NIBAN2: variants seen among roughly 807,000 people sequenced by gnomAD.
NIBAN2 encodes niban apoptosis regulator 2.
Under a neutral mutation model 81.8 loss-of-function variants are expected in NIBAN2, and 36 were observed. That is an observed-to-expected ratio of 0.44 (90% CI 0.34 to 0.58). NIBAN2 has a LOEUF of 0.58. Ranked by LOEUF, NIBAN2 falls within the 20% of genes least tolerant of loss-of-function variation. The probability of loss-of-function intolerance (pLI) is 0.02; values close to 1 mark genes in which losing one functional copy is unlikely to be tolerated. For synonymous variants in NIBAN2, 445 were observed against 441.6 expected (o/e 1.01, Z -0.10); for missense variants, 897 against 1,014.1 (o/e 0.88, Z 1.57).
chr9:127,553,721 G>A (rs1837618424), intron 1 of NIBAN2, among the ~76,000 whole-genome samples: 1 of 152,204 alleles, frequency 6.6e-6, no homozygotes, highest in Non-Finnish European at 1.5e-5. Flanking sequence ...GGGACCTGGA[G>A]CTCTGTCTGG....
At chr9:127,509,268 A>T in intron 9 of NIBAN2, 137 bp from the exon 10 acceptor site, 2 of 799,976 alleles carry the variant, frequency 2.5e-6, no homozygotes, top group South Asian at 3.6e-5. Flanking sequence ...CCTGGTGCTC[A>T]TGGCCACAAA....
rs1836640912 is a variant in NIBAN2 at position 127,507,877 on chromosome 9, G to A, written c.1644C>T (p.Asp548=). The A allele has an allele frequency of 6.2e-7, 1 of 1,614,054 alleles. No individual in the cohort carries two copies. Among genetic ancestry groups the A allele is most frequent in the East Asian group, 2.2e-5 (1 of 44,880 alleles). Residue 548 remains aspartate (D), a synonymous_variant, in exon 13 of 14, where the codon GAC becomes GAT. Coordinates refer to ENST00000373312, the MANE Select transcript of NIBAN2 (RefSeq NM_022833.4). The surrounding 1 kb of genome is among the most constrained non-coding windows in gnomAD (Gnocchi z 6.8). Reference sequence around the variant, plus strand: ...CGGGACGGCACCCACCCTGCAGGATGTCCTTCATGACGGTCTGCAGCACCA... The same window carrying A: ...CGGGACGGCACCCACCCTGCAGGATATCCTTCATGACGGTCTGCAGCACCA... ...EEVVLQTVMK[D]ILQAVKEAAV...
At chr9:127,541,872 G>A (rs1837385575) in intron 1 of NIBAN2, among the ~76,000 whole-genome samples, 1 of 152,074 alleles carries the variant, frequency 6.6e-6, no homozygotes, top group African/African-American at 2.4e-5. Flanking sequence ...GAGAAACAGG[G>A]CCTATGGGAT....
rs1836853126 is a variant in NIBAN2 at position 127,517,320 on chromosome 9, C to T, written c.706-104G>A. ...CAGGCCGCTGCAGCCCCCACCTCCTCCGCGACTGGCCCATTGCTTCACCCT... is the reference window on the plus strand; with the variant it reads ...CAGGCCGCTGCAGCCCCCACCTCCTTCGCGACTGGCCCATTGCTTCACCCT... On this transcript the variant is annotated intron_variant, in intron 6 of 13. Transcript: ENST00000373312. The surrounding 1 kb of genome is among the most constrained non-coding windows in gnomAD (Gnocchi z 4.0). 1.1e-6 allele frequency: 1 copy of T among 884,456 alleles called. No homozygotes were observed. The highest frequency in any genetic ancestry group is 1.8e-6 in the Non-Finnish European group (1 of 565,570). 54.8% of individuals were successfully genotyped at this position (884,456 alleles called of 1,614,324 possible).
At position 127,530,487 on chromosome 9, in the gene NIBAN2, G is replaced by A. The variant is rs559052468; in HGVS notation, c.186+1161C>T. 7.2e-5 allele frequency among the ~76,000 whole-genome samples: 11 copies of A among 151,798 alleles called. No individual in the cohort carries two copies. In the East Asian group the frequency reaches 1.2e-3, roughly 16 times the overall value. On this transcript the variant is annotated intron_variant, in intron 2 of 13. Transcript: ENST00000373312. ...TCTCTTGAGTCCCGCCCCCGGCCCC[G>A]TGTCCGAGTCAATCACAGGTTCCTC...
intron 5 of NIBAN2, among the ~76,000 whole-genome samples, chr9:127,520,753 A>G (rs544400500): frequency 0.024 from 3,701 of 152,136 alleles, 65 homozygotes; most frequent in Non-Finnish European, 0.037. Flanking sequence ...GTGTGGTGGC[A>G]CACGCCTGTA....
chr9:127,562,062 G>A (rs1222815772), intron 1 of NIBAN2, among the ~76,000 whole-genome samples: 2 of 152,178 alleles, frequency 1.3e-5, no homozygotes, highest in African/African-American at 4.8e-5. Context: ...GAGGAGGGGG[G>A]CGCAGGGACG....
At chr9:127,555,270 T>C (rs899134706) in intron 1 of NIBAN2, among the ~76,000 whole-genome samples, 2 of 152,156 alleles carry the variant, frequency 1.3e-5, no homozygotes, top group Non-Finnish European at 2.9e-5. Flanking sequence ...CTTTCTGCTG[T>C]CCTGTGTATT....
intron 1 of NIBAN2, among the ~76,000 whole-genome samples, chr9:127,574,832 G>C (rs1171279633): frequency 1.3e-5 from 2 of 152,160 alleles, no homozygotes; most frequent in African/African-American, 4.8e-5. Context: ...TAACTGTTGG[G>C]TGGTGGAAAG....
chr9:127,539,508 G>A (rs1837339340), intron 1 of NIBAN2, among the ~76,000 whole-genome samples: 1 of 152,164 alleles, frequency 6.6e-6, no homozygotes, highest in Non-Finnish European at 1.5e-5. Flanking sequence ...AGCTCCACTG[G>A]CCCCTGTCGG....
Position 127,559,828 on chromosome 9 carries a change from C to G in NIBAN2, c.55+8992G>C, listed in dbSNP as rs1051215789. Among the ~76,000 whole-genome samples, 4 of 152,204 alleles carry G rather than the reference C, an allele frequency of 2.6e-5. No individual in the cohort carries two copies. The highest frequency in any genetic ancestry group is 9.6e-5 in the African/African-American group (4 of 41,452). ...CTTCTGATCTGCAAGAGGAGGGCCT[C>G]CCTTGGCCAATGTCCTATGTGAACC... is the stretch of plus-strand genomic sequence containing the variant. On this transcript the variant is annotated intron_variant, in intron 1 of 13. Transcript: ENST00000373312. The surrounding 1 kb of genome is among the most constrained non-coding windows in gnomAD (Gnocchi z 4.0).
intron 1 of NIBAN2, among the ~76,000 whole-genome samples, chr9:127,538,581 C>T (rs973392063): frequency 6.7e-6 from 1 of 149,140 alleles, no homozygotes; most frequent in African/African-American, 2.5e-5. Flanking sequence ...GAGCCAAGAT[C>T]GCGCCACTGC....
chr9:127,525,078 A>G lies in NIBAN2; in HGVS notation c.401T>C (p.Leu134Pro), dbSNP rs1243485514. Residue 134 changes from leucine (L) to proline (P), a missense_variant, in exon 4 of 14, where the codon CTC (leucine) becomes CCC (proline). Physicochemically the swap from Leu to Pro is moderately conservative, Grantham distance 98. Around this residue, in one of 3 missense-constraint regions of NIBAN2, gnomAD observed 209 missense variants for 208.4 expected, o/e 1.00. Transcript: ENST00000373312. Reference protein sequence around the residue: ...ILTSVDQYLELIGNSLPGTTA... With the variant: ...ILTSVDQYLEPIGNSLPGTTA... ...TTTACCTGGTAAGGAGTTGCCAATGAGCTCCAGGTATTGGTCCACGGACGT... is the reference window on the plus strand; with the variant it reads ...TTTACCTGGTAAGGAGTTGCCAATGGGCTCCAGGTATTGGTCCACGGACGT... 1 of 1,613,780 alleles carries G rather than the reference A, an allele frequency of 6.2e-7. No homozygotes were observed. The highest frequency in any genetic ancestry group is 8.5e-7 in the Non-Finnish European group (1 of 1,179,794).
Position 127,568,913 on chromosome 9 carries a change from CGCT to C in NIBAN2, c.-42_-40del. Reference sequence around the variant, plus strand: ...CGCGGCCCGATCCGGCCGACGCCGCCGCTGTTGCCCGCGCTGCTCAGGCGGACG... The same window carrying C: ...CGCGGCCCGATCCGGCCGACGCCGCCGTTGCCCGCGCTGCTCAGGCGGACG... On this transcript the variant is annotated 5_prime_UTR_variant, in exon 1 of 14. Coordinates refer to ENST00000373312, the MANE Select transcript of NIBAN2 (RefSeq NM_022833.4). 1 of 1,246,796 alleles carries C rather than the reference CGCT, an allele frequency of 8.0e-7. No individual in the cohort carries two copies. The highest frequency in any genetic ancestry group is 2.7e-5 in the South Asian group (1 of 37,244). The allele number at this position is 1,246,796 out of a possible 1,614,324, so 77.2% of individuals were successfully genotyped here. A position where few individuals can be genotyped will look rare whatever the true frequency, so the allele number is the denominator to read the frequency against.
chr9:127,525,097 C>G lies in NIBAN2; in HGVS notation c.382G>C (p.Val128Leu). The stretch of plus-strand genomic sequence containing the variant: ...CCAATGAGCTCCAGGTATTGGTCCA[C>G]GGACGTGAGGATTTTGTAGCCTGCA... ...NSAGYKILTSVDQYLELIGNS... is the reference protein window; with the variant it reads ...NSAGYKILTSLDQYLELIGNS... Residue 128 changes from valine to leucine, a missense_variant, in exon 4 of 14, where the codon GTG (valine) becomes CTG (leucine). Val to Leu is a conservative substitution (Grantham distance 32, BLOSUM62 1). Transcript: ENST00000373312. 2 of 1,614,148 alleles carry G rather than the reference C, an allele frequency of 1.2e-6. No homozygotes were observed. Among genetic ancestry groups the G allele is most frequent in the Non-Finnish European group, 1.7e-6 (2 of 1,180,002 alleles).
chr9:127,548,992 G>T (rs1327896313), intron 1 of NIBAN2, among the ~76,000 whole-genome samples: 1 of 152,134 alleles, frequency 6.6e-6, no homozygotes, highest in African/African-American at 2.4e-5. Flanking sequence ...AGGTGTGTAA[G>T]CAGAGGCTGG....
In NIBAN2 at chr9:127,559,750, C is replaced by T. The variant is rs1837737477; in HGVS notation, c.55+9070G>A. Among the ~76,000 whole-genome samples, 1 of 152,144 alleles carries T rather than the reference C, an allele frequency of 6.6e-6. No individual in the cohort carries two copies. Among genetic ancestry groups the T allele is most frequent in the Admixed American group, 6.5e-5 (1 of 15,284 alleles). On this transcript the variant is annotated intron_variant, in intron 1 of 13. Transcript: ENST00000373312. This position sits in a 1 kb window ranked among gnomAD's most constrained non-coding sequence, Gnocchi z 4.0. ...CCTGGATGCCCAGTTACTCCCTGGGCCCCCACCCCTGCACGTGGACCCTCT... is the reference window on the plus strand; with the variant it reads ...CCTGGATGCCCAGTTACTCCCTGGGTCCCCACCCCTGCACGTGGACCCTCT...
intron 5 of NIBAN2, among the ~76,000 whole-genome samples, chr9:127,520,885 A>G (rs990889117): frequency 1.3e-5 from 2 of 152,146 alleles, no homozygotes; most frequent in Non-Finnish European, 2.9e-5. Flanking sequence ...CTCTGTCTCA[A>G]AAAAGAAGAA....
chr9:127,527,360 T>TG (rs776195757), intron 2 of NIBAN2, 38 bp from the exon 3 acceptor site: 29 of 1,567,538 alleles, frequency 1.9e-5, no homozygotes, highest in Admixed American at 8.4e-5. Flanking sequence ...GGCCCAGGTC[T>TG]GGGGGGGTGG....
Sources: allele counts gnomAD v4.1 joint callset (sites outside exome capture counted in the v4.1 genomes callset), GRCh38; gene constraint gnomAD v4.1.1; regional missense constraint gnomAD v4.1.1; non-coding constraint Gnocchi (gnomAD v3.1); transcripts MANE v1.5; gene names NCBI Gene and HGNC (gene_info 2026-07-23, HGNC 2026-07-21).